SPRR2G: variants seen among roughly 807,000 people sequenced by gnomAD.
SPRR2G encodes small proline-rich protein 2G.
SPRR2G carries 1 observed loss-of-function variant against 0.7 expected under a neutral mutation model. The ratio of observed to expected loss-of-function variants is 1.49; its 90% CI spans 0.53 to 7.06. SPRR2G has a LOEUF of 7.06. Among genes scored for constraint, SPRR2G ranks in the 30% most tolerant of loss-of-function variants. The probability of loss-of-function intolerance (pLI) is 0.14; values close to 1 mark genes in which losing one functional copy is unlikely to be tolerated. For missense variants in SPRR2G, 96 were observed against 88.5 expected (o/e 1.09, Z -0.34); for synonymous variants, 38 against 33.9 (o/e 1.12, Z -0.42).
chr1:153,189,024 G>A, the SPRR2G span, among the ~76,000 whole-genome samples: 11 of 152,314 alleles, frequency 7.2e-5, no homozygotes, highest in Non-Finnish European at 1.6e-4. Flanking sequence ...AGGTACCTCA[G>A]TTGGAAATGC....
upstream of SPRR2G, among the ~76,000 whole-genome samples, chr1:153,153,078 A>G (rs903970759): frequency 2.0e-5 from 3 of 152,194 alleles, no homozygotes; most frequent in Non-Finnish European, 4.4e-5. Flanking sequence ...CTCACATAGT[A>G]TCTACATGAG....
chr1:153,182,839 A>G, the SPRR2G span, among the ~76,000 whole-genome samples: 1 of 152,252 alleles, frequency 6.6e-6, no homozygotes, highest in East Asian at 1.9e-4. Flanking sequence ...ATAGTGCTAC[A>G]ATAAACATGT....
At chr1:153,199,570 A>G in the SPRR2G span, among the ~76,000 whole-genome samples, 18 of 152,216 alleles carry the variant, frequency 1.2e-4, no homozygotes, top group Non-Finnish European at 2.5e-4. Context: ...CAGCTGGGTG[A>G]GCAAGGGAAG....
At chr1:153,173,047 G>A in the SPRR2G span, among the ~76,000 whole-genome samples, 54 of 152,170 alleles carry the variant, frequency 3.5e-4, no homozygotes, top group Non-Finnish European at 1.5e-5. Context: ...AGATACTGAG[G>A]AACTTCACTC....
chr1:153,151,881 T>C (rs1656476939), upstream of SPRR2G, among the ~76,000 whole-genome samples: 1 of 152,246 alleles, frequency 6.6e-6, no homozygotes, highest in Admixed American at 6.5e-5. Context: ...ACGGATAATT[T>C]CTTAGTATAG....
chr1:153,195,732 A>G, the SPRR2G span, among the ~76,000 whole-genome samples: 23 of 152,206 alleles, frequency 1.5e-4, no homozygotes, highest in Non-Finnish European at 2.6e-4. Context: ...CTGACCCCTC[A>G]GTCTGCTCCT....
the SPRR2G span, among the ~76,000 whole-genome samples, chr1:153,179,865 C>A: frequency 2.6e-5 from 4 of 152,110 alleles, no homozygotes; most frequent in African/African-American, 9.7e-5. Flanking sequence ...TCAGAACAAC[C>A]ACAGCAATCA....
the SPRR2G span, among the ~76,000 whole-genome samples, chr1:153,186,830 C>T: frequency 1.6e-4 from 25 of 152,252 alleles, no homozygotes; most frequent in African/African-American, 5.8e-4. Context: ...TTTGCAGTGG[C>T]TGGTACCATT....
At chr1:153,168,495 A>T in the SPRR2G span, among the ~76,000 whole-genome samples, 1 of 152,162 alleles carries the variant, frequency 6.6e-6, no homozygotes, top group Non-Finnish European at 1.5e-5. Context: ...TCTGGTTTTG[A>T]CTGTTATTAT....
chr1:153,181,535 T>C, the SPRR2G span, among the ~76,000 whole-genome samples: 1 of 152,104 alleles, frequency 6.6e-6, no homozygotes, highest in African/African-American at 2.4e-5. Context: ...TTTGTACCCA[T>C]TAACCAACCT....
chr1:153,157,525 T>G, the SPRR2G span, among the ~76,000 whole-genome samples: 3 of 152,294 alleles, frequency 2.0e-5, no homozygotes, highest in East Asian at 5.8e-4. Context: ...ACATTTAATA[T>G]ACACATCTGG....
At chr1:153,155,721 C>T (rs1656569447), upstream of SPRR2G, among the ~76,000 whole-genome samples, 1 of 152,204 alleles carries the variant, frequency 6.6e-6, no homozygotes, top group East Asian at 1.9e-4. Context: ...TGTCATGTAT[C>T]AAACTCTGTA....
the SPRR2G span, among the ~76,000 whole-genome samples, chr1:153,170,797 G>A: frequency 7.2e-5 from 11 of 152,018 alleles, no homozygotes; most frequent in East Asian, 1.9e-4. Flanking sequence ...ACCTCCCCAC[G>A]GCTGCCCACC....
the SPRR2G span, among the ~76,000 whole-genome samples, chr1:153,179,765 C>T: frequency 6.6e-6 from 1 of 152,076 alleles, no homozygotes; most frequent in Non-Finnish European, 1.5e-5. Context: ...CACCATCACC[C>T]TCACCTGAAC....
At chr1:153,189,015 G>T in the SPRR2G span, among the ~76,000 whole-genome samples, 17 of 152,144 alleles carry the variant, frequency 1.1e-4, no homozygotes, top group Non-Finnish European at 1.6e-4. Context: ...AGATGAACCA[G>T]GTACCTCAGT....
chr1:153,156,257 C>G, the SPRR2G span, among the ~76,000 whole-genome samples: 1 of 152,140 alleles, frequency 6.6e-6, no homozygotes, highest in Non-Finnish European at 1.5e-5. Context: ...TTCCAGACAT[C>G]TCATCTTTCC....
At chr1:153,187,166 A>C in the SPRR2G span, among the ~76,000 whole-genome samples, 1 of 152,064 alleles carries the variant, frequency 6.6e-6, no homozygotes, top group African/African-American at 2.4e-5. Context: ...AGAATCTGAC[A>C]ATTATGTGTC....
At chr1:153,192,675 G>A in the SPRR2G span, among the ~76,000 whole-genome samples, 4 of 152,154 alleles carry the variant, frequency 2.6e-5, no homozygotes, top group African/African-American at 9.7e-5. Flanking sequence ...TCTAAATCTT[G>A]TTATTAAACT....
chr1:153,151,323 T>C (rs1656463659), upstream of SPRR2G, among the ~76,000 whole-genome samples: 1 of 152,214 alleles, frequency 6.6e-6, no homozygotes, highest in Non-Finnish European at 1.5e-5. Context: ...GCAGTTTTTC[T>C]TTACAACTAA....
Sources: allele counts gnomAD v4.1 joint callset (sites outside exome capture counted in the v4.1 genomes callset), GRCh38; gene constraint gnomAD v4.1.1; transcripts MANE v1.5; gene names NCBI Gene and HGNC (gene_info 2026-07-23, HGNC 2026-07-21).